Variants in ZSWIM2 observed in about 807,000 individuals in gnomAD.
ZSWIM2 encodes the protein zinc finger SWIM-type containing 2.
A neutral mutation model predicts 48.4 loss-of-function variants in ZSWIM2; 38 were observed. The ratio of observed to expected loss-of-function variants is 0.79; its 90% CI spans 0.61 to 1.03. The LOEUF (loss-of-function observed/expected upper bound fraction) is 1.03, where lower values mean the gene tolerates loss of function less well. Among genes scored for constraint, ZSWIM2 ranks in the 50% least tolerant of loss-of-function variants. The probability of loss-of-function intolerance (pLI) is 0.00; values close to 1 mark genes in which losing one functional copy is unlikely to be tolerated. For missense variants in ZSWIM2, 776 were observed against 730.2 expected, an observed-to-expected ratio of 1.06 and a Z score of -0.72; for synonymous variants, 240 against 251.3, an observed-to-expected ratio of 0.96 and a Z score of 0.42.
chr2:186,837,765 A>C (rs184716867), intron 4 of ZSWIM2, among the ~76,000 whole-genome samples: 22 of 150,968 alleles, frequency 1.5e-4, no homozygotes, highest in African/African-American at 4.6e-4. Context: ...ATCATCTTTA[A>C]TACATCAGAA....
At chr2:186,830,441 G>C (rs1252834988) in intron 7 of ZSWIM2, among the ~76,000 whole-genome samples, 1 of 152,050 alleles carries the variant, frequency 6.6e-6, no homozygotes, top group East Asian at 1.9e-4. Context: ...TAAAATTTTT[G>C]AGTTTGAGTC....
Position 186,844,699 on chromosome 2 carries a change from C to A in ZSWIM2, c.283+18G>T, listed in dbSNP as rs200924304. ...AAAATAAAAAAAAAACACAAAAAAC[C>A]CAAACCCCAAAACTTACATTCATGG... On this transcript the variant is annotated intron_variant, in intron 3 of 8. Transcript: ENST00000295131. 7.1e-6 allele frequency: 11 copies of A among 1,542,248 alleles called. No homozygotes were observed. The African/African-American group carries it at 1.3e-4, about 18-fold the overall frequency.
chr2:186,842,773 A>G (rs1197156688), intron 3 of ZSWIM2, among the ~76,000 whole-genome samples: 1 of 151,574 alleles, frequency 6.6e-6, no homozygotes, highest in Non-Finnish European at 1.5e-5. Context: ...GACAAAACAA[A>G]TTTTAAATTT....
chr2:186,842,177 A>G (rs1039871028), intron 3 of ZSWIM2, among the ~76,000 whole-genome samples: 1 of 151,338 alleles, frequency 6.6e-6, no homozygotes, highest in Non-Finnish European at 1.5e-5. Context: ...CTCTTCCATT[A>G]CAAGTAACAT....
intron 4 of ZSWIM2, among the ~76,000 whole-genome samples, 182 bp downstream of exon 4, chr2:186,838,775 ATT>A (rs545433328): frequency 0.016 from 2,269 of 146,036 alleles, 58 homozygotes; most frequent in African/African-American, 0.054. Context: ...ATTATAATAT[ATT>A]TATATTATAT....
At chr2:186,841,496 G>A (rs527594063) in intron 3 of ZSWIM2, among the ~76,000 whole-genome samples, 1 of 151,250 alleles carries the variant, frequency 6.6e-6, no homozygotes, top group Non-Finnish European at 1.5e-5. Flanking sequence ...AATACATGGG[G>A]GGGAGACATA....
rs1256878660 is a variant in ZSWIM2, at chr2:186,837,573, A to T, written c.495-19T>A. Reference sequence around the variant, plus strand: ...GCCAAACCTATGAGAGATAAAATTGAAGTTTACCATTTGTATAGAGCAGTT... The same window carrying T: ...GCCAAACCTATGAGAGATAAAATTGTAGTTTACCATTTGTATAGAGCAGTT... On this transcript the variant is annotated intron_variant, in intron 4 of 8. Transcript: ENST00000295131. 1.3e-6 allele frequency: 2 copies of T among 1,595,982 alleles called. No homozygotes were observed. The highest frequency in any genetic ancestry group is 2.2e-5 in the South Asian group (2 of 90,080).
rs1421995268 is a variant in ZSWIM2, at chr2:186,834,012, T to G, written c.762A>C (p.Glu254Asp). The G allele has an allele frequency of 6.2e-7, 1 of 1,611,716 alleles. No homozygotes were observed. The highest frequency in any genetic ancestry group is 8.5e-7 in the Non-Finnish European group (1 of 1,178,358). Residue 254 changes from glutamate (E) to aspartate (D), a missense_variant, in exon 6 of 9, where the codon GAA becomes GAC. By Grantham distance (45) the Glu-to-Asp change is conservative (BLOSUM62 2). Transcript: ENST00000295131. The stretch of plus-strand genomic sequence containing the variant: ...CAAAACATTCCTGGCATAAGTGATA[T>G]TCTATGCATTCGGTACACCTAAAAA... ...GKCYKCTECI[E>D]YHLCQECFDS...
In ZSWIM2 at chr2:186,829,743, A is replaced by G. The variant is rs750833320; in HGVS notation, c.1079T>C (p.Leu360Pro). 4 of 1,612,644 alleles carry G rather than the reference A, an allele frequency of 2.5e-6. No homozygotes were observed. In the South Asian group the frequency reaches 4.4e-5, roughly 18 times the overall value. ...GACTTTTACCTTGTGAGTACATGGTAGCAATCTTGTATGTTGACCAAGATG... is the reference window on the plus strand; with the variant it reads ...GACTTTTACCTTGTGAGTACATGGTGGCAATCTTGTATGTTGACCAAGATG... ...AFHLGQHTRL[L>P]PCTHKFHRKC... The change falls in exon 8 of 9, where the codon CTA becomes CCA. Residue 360 changes from leucine (L) to proline (P), a missense_variant. Leu to Pro is a moderately conservative substitution (Grantham distance 98). Coordinates refer to ENST00000295131, the MANE Select transcript of ZSWIM2 (RefSeq NM_182521.3).
chr2:186,845,808 A>T (rs2105515880), intron 2 of ZSWIM2, among the ~76,000 whole-genome samples: 1 of 151,822 alleles, frequency 6.6e-6, no homozygotes. Context: ...TTCAGATTTA[A>T]TAGACATAAT....
At chr2:186,835,471 C>A (rs1048680599) in intron 5 of ZSWIM2, among the ~76,000 whole-genome samples, 1 of 151,484 alleles carries the variant, frequency 6.6e-6, no homozygotes. Context: ...CTAATTTATT[C>A]ATTATTACTC....
intron 3 of ZSWIM2, among the ~76,000 whole-genome samples, chr2:186,839,608 T>C (rs1352970407): frequency 1.3e-5 from 2 of 151,708 alleles, no homozygotes; most frequent in Non-Finnish European, 3.0e-5. Flanking sequence ...AATAAGTGAA[T>C]TAAATAATAA....
At position 186,838,703 on chromosome 2, in the gene ZSWIM2, A is replaced by C. The variant is rs534555562; in HGVS notation, c.494+256T>G. ...GCTTCCTAACATATATGTTATATATAATATATATATTTCTATGATATATAT... is the reference window on the plus strand; with the variant it reads ...GCTTCCTAACATATATGTTATATATCATATATATATTTCTATGATATATAT... On this transcript the variant is annotated intron_variant, in intron 4 of 8. Transcript: ENST00000295131. 1.1e-4 allele frequency among the ~76,000 whole-genome samples: 16 copies of C among 147,030 alleles called. No individual in the cohort carries two copies. The South Asian group carries it at 3.4e-3, about 31-fold the overall frequency.
intron 7 of ZSWIM2, among the ~76,000 whole-genome samples, chr2:186,830,100 T>C (rs933814864): frequency 2.0e-5 from 3 of 152,160 alleles, no homozygotes; most frequent in Non-Finnish European, 2.9e-5. Context: ...AGTTTTTGGC[T>C]GAGCATGATG....
At chr2:186,848,660 A>G (rs865959699) in intron 1 of ZSWIM2, 118 of 297,202 alleles carry the variant, frequency 4.0e-4, no homozygotes, top group African/African-American at 2.2e-3. Flanking sequence ...CCAAGAACAC[A>G]TGTAATGCCA....
At chr2:186,835,428 T>C (rs1168258469) in intron 5 of ZSWIM2, among the ~76,000 whole-genome samples, 2 of 152,148 alleles carry the variant, frequency 1.3e-5, no homozygotes, top group African/African-American at 4.8e-5. Flanking sequence ...TTTAAGAAAA[T>C]ATGTCCCTCA....
intron 5 of ZSWIM2, among the ~76,000 whole-genome samples, chr2:186,836,166 C>A (rs577330850): frequency 6.6e-6 from 1 of 152,190 alleles, no homozygotes; most frequent in African/African-American, 2.4e-5. Context: ...TCCCAGCCCC[C>A]ACTTTTACAT....
intron 5 of ZSWIM2, among the ~76,000 whole-genome samples, chr2:186,834,412 G>A (rs992291377): frequency 3.9e-5 from 6 of 152,044 alleles, no homozygotes; most frequent in African/African-American, 9.7e-5. Flanking sequence ...GTTCAGAACC[G>A]GGACATACAG....
rs905229370 is a variant in ZSWIM2, at chr2:186,828,752, C to G, written c.1134G>C (p.Lys378Asn). The change falls in exon 9 of 9, where the codon AAG (lysine) becomes AAC (asparagine). Residue 378 changes from lysine to asparagine, a missense_variant. Physicochemically the swap from Lys to Asn is moderately conservative, Grantham distance 94. Coordinates refer to ENST00000295131, the MANE Select transcript of ZSWIM2 (RefSeq NM_182521.3). ...RKCIDNWLFHKCNSCPIDGQV... is the reference protein window; with the variant it reads ...RKCIDNWLFHNCNSCPIDGQV... The stretch of plus-strand genomic sequence containing the variant: ...GTCCATCAATAGGGCATGAATTGCA[C>G]TTGTGGAATAACCAGTTGTCAATAC... The G allele has an allele frequency of 1.3e-6, 2 of 1,594,248 alleles. No homozygotes were observed. Among genetic ancestry groups the G allele is most frequent in the Non-Finnish European group, 1.7e-6 (2 of 1,171,004 alleles).
Sources: gnomAD v4.1 joint callset for allele counts (sites outside exome capture counted in the v4.1 genomes callset) on GRCh38, gnomAD v4.1.1 for gene constraint, MANE v1.5 for transcripts, NCBI Gene and HGNC (gene_info 2026-07-23, HGNC 2026-07-21) for gene names.